The following NCKAP5 variants were observed in gnomAD, a reference collection of about 807,000 sequenced individuals.
NCKAP5 encodes the protein NCK associated protein 5.
NCKAP5 carries 92 observed loss-of-function variants against 167.0 expected under a neutral mutation model. The ratio of observed to expected loss-of-function variants is 0.55; its 90% confidence interval spans 0.47 to 0.66. NCKAP5 has a LOEUF of 0.66. NCKAP5 is among the 30% of genes least tolerant of loss of function. The probability of loss-of-function intolerance (pLI) is 0.00; values close to 1 mark genes in which losing one functional copy is unlikely to be tolerated. For missense variants in NCKAP5, 2,378 were observed against 2,315.0 expected (o/e 1.03, Z -0.56); for synonymous variants, 891 against 877.4 (o/e 1.02, Z -0.27).
At chr2:133,435,399 G>C (rs1346534604) in intron 3 of NCKAP5, among the ~76,000 whole-genome samples, 1 of 152,176 alleles carries the variant, frequency 6.6e-6, no homozygotes, top group African/African-American at 2.4e-5. Context: ...GAGTAAAAGA[G>C]AGCAATGTTT....
chr2:133,674,736 T>C, the NCKAP5 span, among the ~76,000 whole-genome samples: 1 of 152,184 alleles, frequency 6.6e-6, no homozygotes, highest in Non-Finnish European at 1.5e-5. Flanking sequence ...TGCTTTCTCT[T>C]TCATTCGATC....
At chr2:133,372,534 G>C (rs1328685154) in intron 3 of NCKAP5, among the ~76,000 whole-genome samples, 1 of 152,022 alleles carries the variant, frequency 6.6e-6, no homozygotes, top group Non-Finnish European at 1.5e-5. Flanking sequence ...ATTTCTGTCA[G>C]TGTTAACAGC....
intron 6 of NCKAP5, among the ~76,000 whole-genome samples, chr2:133,091,586 T>G (rs1255362618): frequency 6.6e-6 from 1 of 152,122 alleles, no homozygotes; most frequent in Non-Finnish European, 1.5e-5. Context: ...ACAGATGTTT[T>G]GGTTTAAAAA....
At chr2:132,687,471 G>A (rs1419037962) in intron 19 of NCKAP5, among the ~76,000 whole-genome samples, 1 of 152,128 alleles carries the variant, frequency 6.6e-6, no homozygotes, top group Non-Finnish European at 1.5e-5. Context: ...CTCTTTGCTA[G>A]ATTTAGTGTG....
intron 3 of NCKAP5, among the ~76,000 whole-genome samples, chr2:133,455,503 T>A (rs1691793051): frequency 6.6e-6 from 1 of 151,988 alleles, no homozygotes; most frequent in Non-Finnish European, 1.5e-5. Context: ...CCCAGTGGAA[T>A]AATCATATTT....
chr2:132,848,647 A>G (rs1162620875), intron 11 of NCKAP5, among the ~76,000 whole-genome samples: 1 of 152,128 alleles, frequency 6.6e-6, no homozygotes, highest in Non-Finnish European at 1.5e-5. Flanking sequence ...GCTATTTGGG[A>G]GGGAAAAGCA....
intron 3 of NCKAP5, among the ~76,000 whole-genome samples, chr2:133,443,550 C>T (rs903581139): frequency 6.6e-6 from 1 of 152,146 alleles, no homozygotes; most frequent in Non-Finnish European, 1.5e-5. Flanking sequence ...CCCTCTCCTT[C>T]GGCTAACTTT....
At chr2:133,602,296 T>C in the NCKAP5 span, among the ~76,000 whole-genome samples, 1 of 152,006 alleles carries the variant, frequency 6.6e-6, no homozygotes, top group African/African-American at 2.4e-5. Context: ...CCTCGGAGAT[T>C]TGGGGACAGC....
In NCKAP5 at chr2:132,677,108, C is replaced by A. The variant is rs371154388; in HGVS notation, c.5714-3803G>T. ...GAATTGTGTAGGTTCCATAAAACAT[C>A]GCCAATTCCTTCCTGTGTTGTGCTT... On this transcript the variant is annotated intron_variant, in intron 19 of 19. Transcript: ENST00000409261. Among the ~76,000 whole-genome samples the A allele has an allele frequency of 2.1e-3, 315 of 152,180 alleles. 1 individual carries two copies. Among genetic ancestry groups the A allele is most frequent in the African/African-American group, 7.3e-3 (302 of 41,540 alleles).
the NCKAP5 span, among the ~76,000 whole-genome samples, chr2:133,658,128 G>A: frequency 7.8e-6 from 1 of 128,772 alleles, no homozygotes; most frequent in South Asian, 2.4e-4. Flanking sequence ...GTTTCATTTA[G>A]GCTAACATTG....
At chr2:132,951,939 AAAAC>A (rs778882506) in intron 8 of NCKAP5, among the ~76,000 whole-genome samples, 9 of 152,212 alleles carry the variant, frequency 5.9e-5, no homozygotes, top group Non-Finnish European at 1.2e-4. Context: ...ACTAAACAAA[AAAAC>A]AAACAAACAA....
At chr2:133,205,873 A>C (rs1302368334) in intron 5 of NCKAP5, among the ~76,000 whole-genome samples, 1 of 151,924 alleles carries the variant, frequency 6.6e-6, no homozygotes, top group African/African-American at 2.4e-5. Context: ...TATAGTTTAA[A>C]ACTATATTTT....
chr2:132,922,952 G>T (rs1695560049), intron 8 of NCKAP5, among the ~76,000 whole-genome samples: 1 of 152,156 alleles, frequency 6.6e-6, no homozygotes. Flanking sequence ...GATGCATAAT[G>T]TTCAATTTAA....
chr2:132,700,440 G>C (rs1384661139), intron 19 of NCKAP5, among the ~76,000 whole-genome samples: 2 of 152,144 alleles, frequency 1.3e-5, no homozygotes, highest in African/African-American at 2.4e-5. Flanking sequence ...TTTTCTTCTA[G>C]GGTTTTTATG....
chr2:133,178,740 G>T (rs757874640), intron 5 of NCKAP5, among the ~76,000 whole-genome samples: 5 of 147,496 alleles, frequency 3.4e-5, no homozygotes, highest in Non-Finnish European at 7.4e-5. Flanking sequence ...CAGGAGAATG[G>T]CATAAACCCA....
the NCKAP5 span, among the ~76,000 whole-genome samples, chr2:133,663,958 G>T: frequency 1.3e-5 from 2 of 152,284 alleles, no homozygotes; most frequent in South Asian, 2.1e-4. Flanking sequence ...CTGTAAGACT[G>T]TCAATGGCAG....
chr2:133,642,531 T>C, the NCKAP5 span, among the ~76,000 whole-genome samples: 1 of 152,074 alleles, frequency 6.6e-6, no homozygotes, highest in African/African-American at 2.4e-5. Flanking sequence ...GGAAGGAAAA[T>C]GTGGTTGATA....
intron 3 of NCKAP5, among the ~76,000 whole-genome samples, chr2:133,481,551 T>C (rs1405294780): frequency 6.6e-6 from 1 of 152,124 alleles, no homozygotes; most frequent in Non-Finnish European, 1.5e-5. Context: ...CTAGTACCCA[T>C]TAGTTATTTT....
chr2:132,883,077 A>G (rs960405923), intron 8 of NCKAP5, among the ~76,000 whole-genome samples: 5 of 151,904 alleles, frequency 3.3e-5, no homozygotes, highest in Admixed American at 2.6e-4. Flanking sequence ...TGGTGCATGC[A>G]TAGAGTCCCA....
Sources: gnomAD v4.1 joint callset for allele counts (sites outside exome capture counted in the v4.1 genomes callset) on GRCh38, gnomAD v4.1.1 for gene constraint, MANE v1.5 for transcripts, NCBI Gene and HGNC (gene_info 2026-07-23, HGNC 2026-07-21) for gene names.